Variants in PLCB4 observed in about 807,000 individuals in gnomAD.
PLCB4 encodes the protein phospholipase C beta 4.
Under a neutral mutation model 178.8 loss-of-function variants are expected in PLCB4, and 77 were observed. The ratio of observed to expected loss-of-function variants is 0.43; its 90% CI spans 0.36 to 0.52. The LOEUF is 0.52. PLCB4 is among the 20% of genes least tolerant of loss of function. The probability of loss-of-function intolerance (pLI) is 0.00; values close to 1 mark genes in which losing one functional copy is unlikely to be tolerated. For synonymous variants in PLCB4, 496 were observed against 490.8 expected (o/e 1.01, Z -0.14); for missense variants, 1,024 against 1,453.4 (o/e 0.70, Z 4.80).
intron 33 of PLCB4, among the ~76,000 whole-genome samples, chr20:9,454,969 G>A (rs142876930): frequency 0.017 from 2,569 of 152,250 alleles, 37 homozygotes; most frequent in Non-Finnish European, 0.027. Flanking sequence ...ATTTTGATCT[G>A]TATTTTAAGT....
intron 2 of PLCB4, among the ~76,000 whole-genome samples, chr20:9,130,122 C>T (rs965667353): frequency 3.9e-5 from 6 of 151,998 alleles, no homozygotes; most frequent in Admixed American, 3.3e-4. Context: ...GCAATGCAGC[C>T]GACAATGTAA....
intron 2 of PLCB4, among the ~76,000 whole-genome samples, chr20:9,125,419 A>G (rs2092086103): frequency 6.6e-6 from 1 of 152,148 alleles, no homozygotes; most frequent in African/African-American, 2.4e-5. Flanking sequence ...TTTTTTTTCA[A>G]ACCACTTGTT....
chr20:9,381,655 A>T (rs1194560967), intron 13 of PLCB4, among the ~76,000 whole-genome samples: 3 of 152,206 alleles, frequency 2.0e-5, no homozygotes, highest in Non-Finnish European at 4.4e-5. Context: ...TTCACAAGTG[A>T]TGGAAATTTT....
At chr20:9,306,785 TG>T (rs1279160041) in intron 3 of PLCB4, among the ~76,000 whole-genome samples, 1 of 152,134 alleles carries the variant, frequency 6.6e-6, no homozygotes, top group Non-Finnish European at 1.5e-5. Context: ...CCAACAAGGA[TG>T]GGTAAAAGGA....
intron 2 of PLCB4, among the ~76,000 whole-genome samples, chr20:9,212,887 CACTT>C (rs1410819904): frequency 6.6e-6 from 1 of 152,078 alleles, no homozygotes; most frequent in African/African-American, 2.4e-5. Context: ...AAAATGCACT[CACTT>C]AAAATGTACA....
chr20:9,331,824 T>C (rs989074231), intron 4 of PLCB4, among the ~76,000 whole-genome samples: 1 of 152,186 alleles, frequency 6.6e-6, no homozygotes, highest in African/African-American at 2.4e-5. Flanking sequence ...AAGCCTGTAG[T>C]GGCACAAACC....
At position 9,384,193 on chromosome 20, in the gene PLCB4, T is replaced by TC; in HGVS notation, c.854-4dup. 6.8e-6 allele frequency: 11 copies of TC among 1,605,888 alleles called. No homozygotes were observed. Among genetic ancestry groups the TC allele is most frequent in the Non-Finnish European group, 9.4e-6 (11 of 1,172,528 alleles). On this transcript the variant is annotated splice_region_variant and splice_polypyrimidine_tract_variant and intron_variant, in intron 13 of 39. Coordinates refer to ENST00000378473, the MANE Select transcript of PLCB4 (RefSeq NM_001377142.1). Reference sequence around the variant, plus strand: ...ACAAGTGCTACTAAGATGTTCTTTTTCCCCTAGGCCTTATATCAAGTGATG... The same window carrying TC: ...ACAAGTGCTACTAAGATGTTCTTTTTCCCCCTAGGCCTTATATCAAGTGATG...
chr20:9,335,731 G>A (rs1256890497), intron 4 of PLCB4, among the ~76,000 whole-genome samples: 2 of 152,164 alleles, frequency 1.3e-5, no homozygotes, highest in Non-Finnish European at 2.9e-5. Flanking sequence ...CTGGGAGAGA[G>A]TACATAACAA....
At chr20:9,436,932 A>G in intron 29 of PLCB4, 70 bp from the exon 30 acceptor site, 1 of 1,425,132 alleles carries the variant, frequency 7.0e-7, no homozygotes, top group South Asian at 1.2e-5. Flanking sequence ...ATTCAGTAAA[A>G]TAAAGAATGT....
At chr20:9,395,219 A>C (rs1293793495) in intron 18 of PLCB4, among the ~76,000 whole-genome samples, 1 of 152,158 alleles carries the variant, frequency 6.6e-6, no homozygotes, top group Non-Finnish European at 1.5e-5. Flanking sequence ...CTAGCCTTAA[A>C]TCCTTCACGA....
chr20:9,242,532 T>C (rs953155338), intron 3 of PLCB4, among the ~76,000 whole-genome samples: 2 of 152,188 alleles, frequency 1.3e-5, no homozygotes, highest in African/African-American at 2.4e-5. Context: ...ATATAAGCAA[T>C]GGCTGGACCT....
intron 30 of PLCB4, among the ~76,000 whole-genome samples, chr20:9,437,657 A>T (rs993568352): frequency 1.8e-4 from 27 of 152,220 alleles, no homozygotes; most frequent in African/African-American, 6.3e-4. Flanking sequence ...GAAAGTGGGC[A>T]GGGAGAATGC....
intron 3 of PLCB4, among the ~76,000 whole-genome samples, chr20:9,225,681 G>A (rs1441898495): frequency 6.6e-6 from 1 of 152,090 alleles, no homozygotes. Context: ...ATGTTAAATT[G>A]GGCATTCTGA....
At chr20:9,325,955 C>T (rs549170258) in intron 4 of PLCB4, among the ~76,000 whole-genome samples, 130 of 152,282 alleles carry the variant, frequency 8.5e-4, no homozygotes, top group Non-Finnish European at 9.4e-4. Context: ...CTGGTAGATT[C>T]GGTGTCTGAT....
At chr20:9,161,585 A>G (rs112218362) in intron 2 of PLCB4, among the ~76,000 whole-genome samples, 176 of 152,356 alleles carry the variant, frequency 1.2e-3, no homozygotes, top group African/African-American at 3.9e-3. Context: ...AGCCATTGCC[A>G]GTGCACAAAT....
chr20:9,473,360 G>T lies in PLCB4; in HGVS notation c.3490G>T (p.Glu1164Ter). 6.3e-7 allele frequency: 1 copy of T among 1,575,070 alleles called. No individual in the cohort carries two copies. Among genetic ancestry groups the T allele is most frequent in the South Asian group, 1.1e-5 (1 of 87,990 alleles). The change falls in exon 38 of 40, where the codon GAG becomes TAG. Residue 1164 changes from glutamate to a stop codon, truncating the protein, a stop_gained. Coordinates refer to ENST00000378473, the MANE Select transcript of PLCB4 (RefSeq NM_001377142.1). LOFTEE classifies it high-confidence loss of function. ...EHLEFLEKQN[E>*]QLLKSCHAVS... ...TCTAGAATTCCTAGAGAAACAGAAT[G>T]AGCAGGTATTTTACCTAAAATACGT...
chr20:9,422,052 G>T (rs2040682454), intron 27 of PLCB4, among the ~76,000 whole-genome samples: 1 of 152,014 alleles, frequency 6.6e-6, no homozygotes, highest in African/African-American at 2.4e-5. Flanking sequence ...TTTTCCCTTG[G>T]TTTATTTTTT....
At chr20:9,176,086 C>T (rs751198086) in intron 2 of PLCB4, among the ~76,000 whole-genome samples, 1 of 152,148 alleles carries the variant, frequency 6.6e-6, no homozygotes, top group Non-Finnish European at 1.5e-5. Context: ...TTTTTGCTCT[C>T]TCTGGGATTT....
Position 9,077,592 on chromosome 20 carries a change from G to A in PLCB4, c.-135+8386G>A, listed in dbSNP as rs145229527. On this transcript the variant is annotated intron_variant, in intron 1 of 39. Coordinates refer to ENST00000378473, the MANE Select transcript of PLCB4 (RefSeq NM_001377142.1). ...AATCAAAACAAATTGATCAGTTAAG[G>A]GGCTAATGTAAAAACTCTTTTAAGA... 8.7e-4 allele frequency among the ~76,000 whole-genome samples: 132 copies of A among 152,242 alleles called. 4 individuals are homozygous for A. The East Asian group carries it at 0.023, about 27-fold the overall frequency.
Sources: allele counts gnomAD v4.1 joint callset (sites outside exome capture counted in the v4.1 genomes callset), GRCh38; gene constraint gnomAD v4.1.1; transcripts MANE v1.5; gene names NCBI Gene and HGNC (gene_info 2026-07-23, HGNC 2026-07-21).